The following SIPA1L3 variants were observed in gnomAD, a reference collection of about 807,000 sequenced individuals.
The protein encoded by SIPA1L3 is signal induced proliferation associated 1 like 3.
Under a neutral mutation model 150.1 loss-of-function variants are expected in SIPA1L3, and 59 were observed. That is an observed-to-expected ratio of 0.39 (90% CI 0.32 to 0.49). The LOEUF (loss-of-function observed/expected upper bound fraction) is 0.49. Among genes scored for constraint, SIPA1L3 ranks in the 20% least tolerant of loss-of-function variants. The pLI is 0.86. For synonymous variants in SIPA1L3, 1,070 were observed against 1,077.6 expected (o/e 0.99, Z 0.14); for missense variants, 2,211 against 2,489.5 (o/e 0.89, Z 2.38).
chr19:38,193,494 G>A (rs1972848763), intron 17 of SIPA1L3, 43 bp from the exon 18 acceptor site: 2 of 1,423,450 alleles, frequency 1.4e-6, no homozygotes, highest in Non-Finnish European at 1.8e-6. Flanking sequence ...CTGGCTATGA[G>A]CCAGTCTGTG....
intron 1 of SIPA1L3, among the ~76,000 whole-genome samples, chr19:37,983,931 G>A (rs1244080069): frequency 6.7e-6 from 1 of 149,428 alleles, no homozygotes; most frequent in African/African-American, 2.5e-5. Flanking sequence ...AAAAAAGATT[G>A]CTCAGCACTG....
At chr19:38,067,808 G>C (rs1255527958) in intron 2 of SIPA1L3, among the ~76,000 whole-genome samples, 1 of 151,714 alleles carries the variant, frequency 6.6e-6, no homozygotes, top group East Asian at 1.9e-4. Flanking sequence ...TGGGCTCTTT[G>C]ACGTTAAATG....
intron 13 of SIPA1L3, among the ~76,000 whole-genome samples, chr19:38,158,678 C>A (rs1220640333): frequency 6.6e-6 from 1 of 152,154 alleles, no homozygotes; most frequent in Non-Finnish European, 1.5e-5. Flanking sequence ...TTAAAGGCAG[C>A]GTTAACCAAA....
In SIPA1L3 at chr19:38,154,763, AT is replaced by A. The variant is rs372517508; in HGVS notation, c.3661+1812del. Among the ~76,000 whole-genome samples the A allele has an allele frequency of 3.2e-3, 415 of 129,616 alleles. 1 individual carries two copies. The highest frequency in any genetic ancestry group is 3.4e-3 in the Non-Finnish European group (202 of 59,348). 85.0% of individuals were successfully genotyped at this position (129,616 alleles called of 152,430 possible). A position where few individuals can be genotyped will look rare whatever the true frequency, so the allele number is the denominator to read the frequency against. On this transcript the variant is annotated intron_variant, in intron 13 of 21. Transcript: ENST00000222345. Reference sequence around the variant, plus strand: ...ACCCAGCTATTTTATTTTATTATTCATTTTTTTTTTTTTTTTGAGACAGAGT... The same window carrying A: ...ACCCAGCTATTTTATTTTATTATTCATTTTTTTTTTTTTTTGAGACAGAGT...
chr19:38,147,448 T>G (rs1192883606), intron 12 of SIPA1L3, among the ~76,000 whole-genome samples: 1 of 152,214 alleles, frequency 6.6e-6, no homozygotes, highest in Non-Finnish European at 1.5e-5. Context: ...GTCTAAGAAC[T>G]CTGCTTAGTG....
intron 16 of SIPA1L3, among the ~76,000 whole-genome samples, chr19:38,187,559 T>C (rs565038356): frequency 2.0e-4 from 29 of 141,732 alleles, no homozygotes; most frequent in African/African-American, 7.8e-4. Flanking sequence ...CTACTAAAAA[T>C]ACAAAAAATT....
In SIPA1L3 at chr19:37,920,843, G is replaced by A. The variant is rs375298418; in HGVS notation, c.-379+13485G>A. Among the ~76,000 whole-genome samples the A allele has an allele frequency of 3.7e-4, 57 of 152,342 alleles. No homozygotes were observed. The East Asian group carries it at 0.01, about 27-fold the overall frequency. ...AGCAGCCCTGGCTTCTCTGAGCAGC[G>A]AACACCGTGGCACTGGCCTTCGAGT... is the stretch of plus-strand genomic sequence containing the variant. On this transcript the variant is annotated intron_variant, in intron 1 of 21. Transcript: ENST00000222345.
chr19:38,043,480 G>T (rs951537107), intron 2 of SIPA1L3, among the ~76,000 whole-genome samples: 4 of 152,178 alleles, frequency 2.6e-5, no homozygotes, highest in African/African-American at 4.8e-5. Context: ...CAGAAATATC[G>T]ATGTGATAGT....
At chr19:38,108,241 T>A (rs1302241834) in intron 7 of SIPA1L3, among the ~76,000 whole-genome samples, 2 of 152,118 alleles carry the variant, frequency 1.3e-5, no homozygotes, top group Non-Finnish European at 1.5e-5. Context: ...TGCCTTTTCC[T>A]GAGTATGTGG....
chr19:38,103,960 A>T (rs896408853), intron 6 of SIPA1L3, among the ~76,000 whole-genome samples: 1 of 151,426 alleles, frequency 6.6e-6, no homozygotes, highest in Non-Finnish European at 1.5e-5. Flanking sequence ...GATATATAGG[A>T]TTGAAATGTT....
Position 38,190,553 on chromosome 19 carries a change from C to G in SIPA1L3, c.4431-1592C>G, listed in dbSNP as rs568869619. Among the ~76,000 whole-genome samples the G allele has an allele frequency of 8.2e-4, 125 of 152,264 alleles. 1 individual carries two copies. Among genetic ancestry groups the G allele is most frequent in the African/African-American group, 2.9e-3 (119 of 41,560 alleles). On this transcript the variant is annotated intron_variant, in intron 16 of 21. Coordinates refer to ENST00000222345, the MANE Select transcript of SIPA1L3 (RefSeq NM_015073.3). ...AATCCCAAGGCTGGCAGCTGAGAAA[C>G]AGAAAAAGGAAATCCAGTCTTTAAA...
chr19:38,189,944 A>T (rs1972769773), intron 16 of SIPA1L3, among the ~76,000 whole-genome samples: 1 of 151,990 alleles, frequency 6.6e-6, no homozygotes. Context: ...CGCCATGTGG[A>T]TCTGCCATGC....
intron 1 of SIPA1L3, among the ~76,000 whole-genome samples, chr19:37,945,360 G>A (rs942690617): frequency 4.6e-5 from 7 of 151,674 alleles, no homozygotes; most frequent in African/African-American, 1.5e-4. Context: ...TCAGCCTCCC[G>A]GTAGCTGGGA....
intron 1 of SIPA1L3, among the ~76,000 whole-genome samples, chr19:37,987,681 G>T (rs768496531): frequency 1.3e-5 from 2 of 152,222 alleles, no homozygotes; most frequent in Non-Finnish European, 2.9e-5. Context: ...CCCTAGGCCA[G>T]CTGGTCACTC....
chr19:37,962,707 G>T (rs1380474520), intron 1 of SIPA1L3, among the ~76,000 whole-genome samples: 1 of 151,988 alleles, frequency 6.6e-6, no homozygotes, highest in Non-Finnish European at 1.5e-5. Context: ...GTCCAGGCTG[G>T]TCTCAGACTC....
At chr19:37,919,738 TTCACTC>T (rs1568463610) in intron 1 of SIPA1L3, among the ~76,000 whole-genome samples, 1 of 139,690 alleles carries the variant, frequency 7.2e-6, no homozygotes, top group African/African-American at 2.8e-5. Flanking sequence ...GAGACAGAGT[TTCACTC>T]TTGTTGCCCA....
rs752011449 is a variant in SIPA1L3 at position 38,142,731 on chromosome 19, T to C, written c.3533+21T>C. ...GAAAGGTCAGCCTCCCTCAATTCTT[T>C]TCATGTTAAGGGATCTGATGAAAGC... On this transcript the variant is annotated intron_variant, in intron 12 of 21. Transcript: ENST00000222345. The C allele has an allele frequency of 1.6e-5, 26 of 1,606,086 alleles. No homozygotes were observed. In the Admixed American group the frequency reaches 1.9e-4, roughly 11 times the overall value.
intron 10 of SIPA1L3, among the ~76,000 whole-genome samples, chr19:38,132,907 C>A (rs188317069): frequency 6.6e-6 from 1 of 152,244 alleles, no homozygotes; most frequent in East Asian, 1.9e-4. Flanking sequence ...CTCAGCCACC[C>A]AAAGTGCTGG....
Position 38,082,896 on chromosome 19 carries a change from T to A in SIPA1L3, c.1331T>A (p.Phe444Tyr). The A allele has an allele frequency of 6.2e-7, 1 of 1,613,226 alleles. No individual in the cohort carries two copies. The change falls in exon 3 of 22, where the codon TTC becomes TAC. Residue 444 changes from phenylalanine to tyrosine, a missense_variant. Transcript: ENST00000222345. ...GGCGAGTGTGAGCGCAACGTGAGCTTCTCCCGGGCTTCCGTGGGCTCCCCG... is the reference window on the plus strand; with the variant it reads ...GGCGAGTGTGAGCGCAACGTGAGCTACTCCCGGGCTTCCGTGGGCTCCCCG... ...IGGECERNVS[F>Y]SRASVGSPSS...
Sources: allele counts gnomAD v4.1 joint callset (sites outside exome capture counted in the v4.1 genomes callset), GRCh38; gene constraint gnomAD v4.1.1; transcripts MANE v1.5; gene names NCBI Gene and HGNC (gene_info 2026-07-23, HGNC 2026-07-21).